SIPA1L1: variants seen among roughly 807,000 people sequenced by gnomAD.
SIPA1L1 encodes the protein signal-induced proliferation-associated 1-like protein 1.
A neutral mutation model predicts 162.7 loss-of-function variants in SIPA1L1; 26 were observed. The observed-to-expected ratio is 0.16, with a 90% CI of 0.12 to 0.22. The LOEUF (loss-of-function observed/expected upper bound fraction) is 0.22. Ranked by LOEUF, SIPA1L1 falls within the 10% of genes least tolerant of loss-of-function variation. The probability of loss-of-function intolerance (pLI) is 1.00; values close to 1 mark genes in which losing one functional copy is unlikely to be tolerated. For synonymous variants in SIPA1L1, 829 were observed against 837.4 expected (o/e 0.99, Z 0.17); for missense variants, 1,874 against 2,241.0 (o/e 0.84, Z 3.31).
At chr14:71,551,612 T>G (rs951648746) in intron 4 of SIPA1L1, among the ~76,000 whole-genome samples, 14 of 152,254 alleles carry the variant, frequency 9.2e-5, no homozygotes, top group Non-Finnish European at 5.9e-5. Context: ...GGTTTGATCT[T>G]GAGCTGCGTT....
chr14:71,403,474 C>T (rs1458940263), intron 2 of SIPA1L1, among the ~76,000 whole-genome samples: 1 of 151,820 alleles, frequency 6.6e-6, no homozygotes, highest in South Asian at 2.1e-4. Flanking sequence ...GTGGCAGGCA[C>T]CTGTAATCCC....
intron 10 of SIPA1L1, 86 bp downstream of exon 10, chr14:71,661,553 G>A: frequency 2.2e-6 from 3 of 1,370,556 alleles, no homozygotes; most frequent in Non-Finnish European, 2.0e-6. Context: ...TTCTAAAGTG[G>A]CAATGGGAAG....
At chr14:71,554,815 G>A (rs889328532) in intron 4 of SIPA1L1, among the ~76,000 whole-genome samples, 1 of 152,000 alleles carries the variant, frequency 6.6e-6, no homozygotes, top group African/African-American at 2.4e-5. Context: ...CCTAAATAAT[G>A]CTGTGATGAA....
At chr14:71,693,938 A>G (rs1464042967) in intron 13 of SIPA1L1, among the ~76,000 whole-genome samples, 3 of 152,118 alleles carry the variant, frequency 2.0e-5, no homozygotes, top group African/African-American at 7.2e-5. Flanking sequence ...CACTGTTTGC[A>G]CTTGGGTTAC....
intron 2 of SIPA1L1, among the ~76,000 whole-genome samples, chr14:71,329,753 A>G (rs2034297983): frequency 1.3e-5 from 2 of 152,158 alleles, no homozygotes; most frequent in South Asian, 2.1e-4. Context: ...ATCTCTGCAT[A>G]TATGTCTGTT....
Position 71,609,393 on chromosome 14 carries a change from C to A in SIPA1L1, c.1499-9364C>A, listed in dbSNP as rs2037921688. ...AAGTGCTCATCACACCTCATCCTCC[C>A]AAATGACTGGGACTACAGGTGTGCA... On this transcript the variant is annotated intron_variant, in intron 5 of 23. Coordinates refer to ENST00000381232, the MANE Select transcript of SIPA1L1 (RefSeq NM_001386936.1). 2.6e-5 allele frequency among the ~76,000 whole-genome samples: 4 copies of A among 152,128 alleles called. 1 individual carries two copies. In the East Asian group the frequency reaches 5.8e-4, roughly 22 times the overall value.
intron 2 of SIPA1L1, among the ~76,000 whole-genome samples, chr14:71,326,508 C>T (rs981390841): frequency 6.6e-6 from 1 of 151,476 alleles, no homozygotes; most frequent in Non-Finnish European, 1.5e-5. Context: ...CACACCTGGC[C>T]GACTTGCTTC....
intron 8 of SIPA1L1, among the ~76,000 whole-genome samples, chr14:71,653,349 T>C (rs545759432): frequency 6.6e-6 from 1 of 152,320 alleles, no homozygotes; most frequent in Non-Finnish European, 1.5e-5. Context: ...TTGTCTTTGC[T>C]TGGCTTTTGG....
At chr14:71,540,472 G>C (rs999129676) in intron 4 of SIPA1L1, among the ~76,000 whole-genome samples, 2 of 152,082 alleles carry the variant, frequency 1.3e-5, no homozygotes, top group Non-Finnish European at 2.9e-5. Context: ...TTTGAAGCCA[G>C]GAGCTCAAGA....
At chr14:71,675,433 T>C (rs1250597307) in intron 12 of SIPA1L1, among the ~76,000 whole-genome samples, 1 of 146,630 alleles carries the variant, frequency 6.8e-6, no homozygotes, top group Non-Finnish European at 1.5e-5. Flanking sequence ...ACAGTTTCCA[T>C]CTGAAAAGTC....
At chr14:71,367,615 T>A (rs1381413961) in intron 2 of SIPA1L1, among the ~76,000 whole-genome samples, 1 of 149,628 alleles carries the variant, frequency 6.7e-6, no homozygotes, top group Non-Finnish European at 1.5e-5. Context: ...GCCTTTTTTT[T>A]TTTTTTTTTG....
intron 2 of SIPA1L1, among the ~76,000 whole-genome samples, chr14:71,506,980 G>A (rs2144060505): frequency 6.6e-6 from 1 of 152,020 alleles, no homozygotes; most frequent in East Asian, 1.9e-4. Flanking sequence ...GTAGTCTAAT[G>A]CAAAAGCCAT....
At chr14:71,574,726 C>T (rs34254888) in intron 4 of SIPA1L1, 1 of 151,604 alleles carries the variant, frequency 6.6e-6, no homozygotes, top group Admixed American at 6.6e-5. Context: ...AAAAGACTTC[C>T]TGCCACAAGG....
chr14:71,558,558 C>T (rs1057321481), intron 4 of SIPA1L1, among the ~76,000 whole-genome samples: 4 of 152,116 alleles, frequency 2.6e-5, no homozygotes, highest in Non-Finnish European at 5.9e-5. Flanking sequence ...TCAGAAATGG[C>T]GTGGAAGGCT....
intron 4 of SIPA1L1, among the ~76,000 whole-genome samples, chr14:71,557,320 T>C (rs2056433378): frequency 6.6e-6 from 1 of 152,236 alleles, no homozygotes; most frequent in Non-Finnish European, 1.5e-5. Flanking sequence ...TCATTAGTTT[T>C]GCTCATGGAA....
rs540879221 is a variant in SIPA1L1 at position 71,604,091 on chromosome 14, A to G, written c.1499-14666A>G. On this transcript the variant is annotated intron_variant, in intron 5 of 23. Coordinates refer to ENST00000381232, the MANE Select transcript of SIPA1L1 (RefSeq NM_001386936.1). Reference sequence around the variant, plus strand: ...AGCTAACTGCAACCTCTTGCCTCCCAGGCTCAAGTGATCCTCCTGCCTCAG... The same window carrying G: ...AGCTAACTGCAACCTCTTGCCTCCCGGGCTCAAGTGATCCTCCTGCCTCAG... Among the ~76,000 whole-genome samples, 4 of 149,058 alleles carry G rather than the reference A, an allele frequency of 2.7e-5. No homozygotes were observed. The South Asian group carries it at 8.5e-4, about 32-fold the overall frequency.
chr14:71,345,065 A>G (rs1364350000), intron 2 of SIPA1L1, among the ~76,000 whole-genome samples: 2 of 152,112 alleles, frequency 1.3e-5, no homozygotes, highest in Non-Finnish European at 2.9e-5. Context: ...TGTCTGGGGA[A>G]GGCTAAGGGT....
Position 71,672,349 on chromosome 14 carries a change from T to G in SIPA1L1, c.2831T>G (p.Phe944Cys). The change falls in exon 12 of 24, where the codon TTT (phenylalanine) becomes TGT (cysteine). Residue 944 changes from phenylalanine to cysteine, a missense_variant and splice_region_variant. Physicochemically the swap from Phe to Cys is radical, Grantham distance 205. Coordinates refer to ENST00000381232, the MANE Select transcript of SIPA1L1 (RefSeq NM_001386936.1). ...AGTATCTTTTATTTCCTTGTCTAGT[T>G]TGTTTCAAAAGGCTGTGAATCGGTG... The part of the protein sequence containing the change: ...EIKEIVKRLQ[F>C]VSKGCESVEM... 6.2e-7 allele frequency: 1 copy of G among 1,613,978 alleles called. No homozygotes were observed. The highest frequency in any genetic ancestry group is 8.5e-7 in the Non-Finnish European group (1 of 1,179,816).
chr14:71,542,232 C>T (rs1038629539), intron 4 of SIPA1L1, among the ~76,000 whole-genome samples: 2 of 152,062 alleles, frequency 1.3e-5, no homozygotes, highest in African/African-American at 4.8e-5. Context: ...TGTGCACCAC[C>T]ATGCCTGGCT....
Sources: gnomAD v4.1 joint callset for allele counts (sites outside exome capture counted in the v4.1 genomes callset) on GRCh38, gnomAD v4.1.1 for gene constraint, MANE v1.5 for transcripts, NCBI Gene and HGNC (gene_info 2026-07-23, HGNC 2026-07-21) for gene names.